Variants in GALNT16 observed in about 807,000 individuals in gnomAD.
GALNT16 encodes UDP-GalNAc:polypeptide N-acetylgalactosaminyltransferase-like protein 1.
Under a neutral mutation model 76.1 loss-of-function variants are expected in GALNT16, and 40 were observed. The ratio of observed to expected loss-of-function variants is 0.53; its 90% confidence interval spans 0.41 to 0.68. The LOEUF (loss-of-function observed/expected upper bound fraction) is 0.68. GALNT16 is among the 30% of genes least tolerant of loss of function. The pLI is 0.00. For synonymous variants in GALNT16, 276 were observed against 285.2 expected, an observed-to-expected ratio of 0.97 and a Z score of 0.32; for missense variants, 621 against 731.9, an observed-to-expected ratio of 0.85 and a Z score of 1.75.
At chr14:69,289,611 G>A (rs2044663186) in intron 1 of GALNT16, among the ~76,000 whole-genome samples, 1 of 152,084 alleles carries the variant, frequency 6.6e-6, no homozygotes, top group Non-Finnish European at 1.5e-5. Context: ...TAGTGGTGGT[G>A]GGGCAGACTC....
chr14:69,323,936 A>C (rs2045239820), intron 2 of GALNT16, among the ~76,000 whole-genome samples: 1 of 152,194 alleles, frequency 6.6e-6, no homozygotes, highest in African/African-American at 2.4e-5. Flanking sequence ...GCACCCCAGG[A>C]GCTCAAATAA....
intron 1 of GALNT16, among the ~76,000 whole-genome samples, chr14:69,291,595 A>T (rs920379494): frequency 1.3e-5 from 2 of 152,206 alleles, no homozygotes; most frequent in African/African-American, 4.8e-5. Flanking sequence ...CCAGGCCTCC[A>T]TGCTGTGCTC....
intron 1 of GALNT16, among the ~76,000 whole-genome samples, chr14:69,265,568 A>G (rs1397195960): frequency 6.6e-6 from 1 of 152,216 alleles, no homozygotes; most frequent in African/African-American, 2.4e-5. Context: ...AGGGGAGCCT[A>G]TAGCCAAGCC....
upstream of GALNT16, chr14:69,260,086 A>C: frequency 1.8e-6 from 1 of 540,698 alleles, no homozygotes; most frequent in Non-Finnish European, 3.3e-6. Context: ...CTCGGGGCTG[A>C]AGGGCATTAG....
intron 9 of GALNT16, among the ~76,000 whole-genome samples, chr14:69,336,820 C>T (rs549385927): frequency 6.6e-6 from 1 of 151,886 alleles, no homozygotes; most frequent in East Asian, 1.9e-4. Flanking sequence ...CTCTGCCTCC[C>T]GGGTTCAAAC....
downstream of GALNT16, among the ~76,000 whole-genome samples, chr14:69,361,024 G>A (rs2045720807): frequency 6.6e-6 from 1 of 152,238 alleles, no homozygotes; most frequent in Non-Finnish European, 1.5e-5. Flanking sequence ...GGTTGCCACT[G>A]AACCAGCTGC....
At chr14:69,291,850 C>T (rs548113208) in intron 1 of GALNT16, among the ~76,000 whole-genome samples, 2 of 152,302 alleles carry the variant, frequency 1.3e-5, no homozygotes, top group South Asian at 4.1e-4. Flanking sequence ...AATTGCTTTG[C>T]AAACTGATCC....
Position 69,341,754 on chromosome 14 carries a change from C to T in GALNT16, c.1261C>T (p.Pro421Ser). 1.2e-6 allele frequency: 2 copies of T among 1,611,206 alleles called. No homozygotes were observed. The highest frequency in any genetic ancestry group is 1.7e-6 in the Non-Finnish European group (2 of 1,177,700). ...SFRWYLENVY[P>S]ELTVPVKEAL... The stretch of plus-strand genomic sequence containing the variant: ...CCGCTGGTACCTGGAGAACGTCTAC[C>T]CAGAGCTCACGTGAGTGCAGCCCTC... Residue 421 changes from proline to serine, a missense_variant, in exon 12 of 15, where the codon CCA becomes TCA. Pro to Ser is a moderately conservative substitution (Grantham distance 74). Transcript: ENST00000448469.
chr14:69,292,358 A>G (rs188994914), intron 1 of GALNT16, among the ~76,000 whole-genome samples: 199 of 152,354 alleles, frequency 1.3e-3, no homozygotes, highest in African/African-American at 4.5e-3. Flanking sequence ...GACAGAGGGG[A>G]AAAGGTGAGT....
chr14:69,307,920 T>C (rs1327854866), intron 1 of GALNT16, among the ~76,000 whole-genome samples: 1 of 152,120 alleles, frequency 6.6e-6, no homozygotes, highest in Non-Finnish European at 1.5e-5. Flanking sequence ...TTTCAACTGT[T>C]AGGCTTGTGC....
chr14:69,350,326 G>A (rs1279960911), intron 14 of GALNT16: 1 of 152,298 alleles, frequency 6.6e-6, no homozygotes, highest in African/African-American at 2.4e-5. Flanking sequence ...CACTTTAGTG[G>A]AAGAGAAAGA....
the GALNT16 span, among the ~76,000 whole-genome samples, chr14:69,371,188 C>T: frequency 6.6e-6 from 1 of 152,122 alleles, no homozygotes; most frequent in South Asian, 2.1e-4. Flanking sequence ...CACTAAGATA[C>T]AGGGGTAACT....
At position 69,330,580 on chromosome 14, in the gene GALNT16, A is replaced by G. The variant is rs547090739; in HGVS notation, c.691-884A>G. 2.0e-5 allele frequency among the ~76,000 whole-genome samples: 3 copies of G among 152,346 alleles called. 1 individual carries two copies. The South Asian group carries it at 6.2e-4, about 32-fold the overall frequency. On this transcript the variant is annotated intron_variant, in intron 6 of 14. Coordinates refer to ENST00000448469, the MANE Select transcript of GALNT16 (RefSeq NM_001168368.2). ...TCCACAGAGCACTGAAAAACCATCAAAGGTCTCTGTTGATCAGCCCCATCC... is the reference window on the plus strand; with the variant it reads ...TCCACAGAGCACTGAAAAACCATCAGAGGTCTCTGTTGATCAGCCCCATCC...
At position 69,260,375 on chromosome 14, in the gene GALNT16, C is replaced by A; in HGVS notation, c.85C>A (p.Arg29=). ...GTFYYLWQDN[R]AHAASSGGRG... ...TTTCTACTACTTATGGCAGGACAAC[C>A]GAGCCCACGCAGCATCCTCCGGCGG... The change falls in exon 1 of 15, where the codon CGA becomes AGA. Residue 29 remains arginine (R), a synonymous_variant. Transcript: ENST00000448469. 6.2e-7 allele frequency: 1 copy of A among 1,611,338 alleles called. No homozygotes were observed. Among genetic ancestry groups the A allele is most frequent in the South Asian group, 1.1e-5 (1 of 90,760 alleles).
chr14:69,333,141 A>G lies in GALNT16; in HGVS notation c.835A>G (p.Thr279Ala). The change falls in exon 8 of 15, where the codon ACC becomes GCC. Residue 279 changes from threonine (T) to alanine (A), a missense_variant. Thr to Ala is a moderately conservative substitution (Grantham distance 58). Transcript: ENST00000448469. The surrounding 1 kb of genome is among the most constrained non-coding windows in gnomAD (Gnocchi z 4.2). ...WEQIPLEQKM[T>A]RTDPTRPIRT... Reference sequence around the variant, plus strand: ...GCAGATCCCTCTTGAGCAGAAGATGACCCGGACAGACCCCACCAGGCCCAT... The same window carrying G: ...GCAGATCCCTCTTGAGCAGAAGATGGCCCGGACAGACCCCACCAGGCCCAT... 1 of 1,612,866 alleles carries G rather than the reference A, an allele frequency of 6.2e-7. No homozygotes were observed.
At chr14:69,380,791 G>A in the GALNT16 span, 747 of 574,536 alleles carry the variant, frequency 1.3e-3, 5 homozygotes, top group African/African-American at 0.012. Context: ...TTACACAGTC[G>A]TTGAATTTTA....
chr14:69,339,243 A>G (rs2045453373), intron 10 of GALNT16, among the ~76,000 whole-genome samples: 1 of 152,170 alleles, frequency 6.6e-6, no homozygotes, highest in Non-Finnish European at 1.5e-5. Flanking sequence ...GGGACTTGTC[A>G]TGAGCACCCT....
At chr14:69,356,504 A>G (rs1186243444), downstream of GALNT16, 1 of 149,524 alleles carries the variant, frequency 6.7e-6, no homozygotes, top group South Asian at 2.1e-4. Flanking sequence ...TTCAAAAAAT[A>G]CCCATTCAGC....
intron 11 of GALNT16, among the ~76,000 whole-genome samples, chr14:69,341,164 G>A (rs1243133209): frequency 6.6e-6 from 1 of 152,166 alleles, no homozygotes; most frequent in African/African-American, 2.4e-5. Context: ...GGAAACTGAG[G>A]CTCAGATAGC....
Sources: allele counts gnomAD v4.1 joint callset (sites outside exome capture counted in the v4.1 genomes callset), GRCh38; gene constraint gnomAD v4.1.1; non-coding constraint Gnocchi (gnomAD v3.1); transcripts MANE v1.5; gene names NCBI Gene and HGNC (gene_info 2026-07-23, HGNC 2026-07-21).